The following JPH4 variants were observed in gnomAD, a reference collection of about 807,000 sequenced individuals.
The protein encoded by JPH4 is junctophilin 4, also known as junctophilin-4.
In JPH4, 18 loss-of-function variants were observed where a neutral mutation model predicts 57.6. The observed-to-expected ratio is 0.31, with a 90% CI of 0.22 to 0.46. JPH4 has a LOEUF of 0.46. JPH4 is among the 20% of genes least tolerant of loss of function. The probability of loss-of-function intolerance (pLI) is 1.00; values close to 1 mark genes in which losing one functional copy is unlikely to be tolerated. For synonymous variants in JPH4, 425 were observed against 406.6 expected (o/e 1.05, Z -0.54); for missense variants, 727 against 911.1 (o/e 0.80, Z 2.60).
rs1566679891 is a variant in JPH4, at chr14:23,575,614, C to T, written c.1151+71G>A. ...TTGGGCCTTGGGCCTCCCTTAGGCA[C>T]ACCCGCCTTCCTGGTCCCCAGCGCA... On this transcript the variant is annotated intron_variant, in intron 3 of 5. Coordinates refer to ENST00000356300, the MANE Select transcript of JPH4 (RefSeq NM_001146028.2). The surrounding 1 kb of genome is among the most constrained non-coding windows in gnomAD (Gnocchi z 6.9). 6.5e-7 allele frequency: 1 copy of T among 1,539,820 alleles called. No individual in the cohort carries two copies. Among genetic ancestry groups the T allele is most frequent in the Non-Finnish European group, 8.7e-7 (1 of 1,145,540 alleles).
Position 23,577,418 on chromosome 14 carries a change from C to T in JPH4, c.36G>A (p.Gly12=). 1 of 1,448,534 alleles carries T rather than the reference C, an allele frequency of 6.9e-7. No homozygotes were observed. Among genetic ancestry groups the T allele is most frequent in the East Asian group, 2.7e-5 (1 of 36,798 alleles). The allele number at this position is 1,448,534 out of a possible 1,614,324, so 89.7% of individuals were successfully genotyped here. The change falls in exon 2 of 6, where the codon GGG becomes GGA. Residue 12 remains glycine, a synonymous_variant. Coordinates refer to ENST00000356300, the MANE Select transcript of JPH4 (RefSeq NM_001146028.2). The surrounding 1 kb of genome is among the most constrained non-coding windows in gnomAD (Gnocchi z 8.4). The part of the protein sequence containing the change: ...SPGGKFDFDD[G]GCYVGGWEAG... ...CCTCCCAGCCCCCCACGTAGCAGCC[C>T]CCGTCGTCAAAGTCGAACTTGCCCC...
intron 3 of JPH4, chr14:23,572,714 G>T (rs1466898802): frequency 1.7e-6 from 1 of 594,980 alleles, no homozygotes; most frequent in Non-Finnish European, 3.0e-6. Context: ...ATGAGAGTGG[G>T]TCTCCCCTTT....
In JPH4 at chr14:23,576,165, A is replaced by C. The variant is rs1889267956; in HGVS notation, c.671T>G (p.Leu224Arg). Residue 224 changes from leucine (L) to arginine (R), a missense_variant, in exon 3 of 6, where the codon CTG becomes CGG. This residue lies in a region of JPH4 where 131 missense variants were observed against 156.5 expected (regional missense o/e 0.84). Transcript: ENST00000356300. The surrounding 1 kb of genome is among the most constrained non-coding windows in gnomAD (Gnocchi z 8.0). ...AAGGFFRRSLLLSGLRAGGRR... is the reference protein window; with the variant it reads ...AAGGFFRRSLRLSGLRAGGRR... ...TCCGCCCGCTCGGAGCCCGCTGAGC[A>C]GCAGCGAACGGCGAAAGAATCCGCC... is the stretch of plus-strand genomic sequence containing the variant. 1 of 1,302,776 alleles carries C rather than the reference A, an allele frequency of 7.7e-7. No individual in the cohort carries two copies. The highest frequency in any genetic ancestry group is 9.8e-7 in the Non-Finnish European group (1 of 1,025,032). The allele number at this position is 1,302,776 out of a possible 1,614,324, so 80.7% of individuals were successfully genotyped here.
rs61739610 is a variant in JPH4, at chr14:23,571,219, T to G, written c.1512A>C (p.Ala504=). ...AWPEEWGGAG[A]QAEELAGYEA... ...CATAGCCAGCTAGTTCCTCTGCCTG[T>G]GCGCCTGCCCCCCCCCACTCCTCAG... is the stretch of plus-strand genomic sequence containing the variant. Residue 504 remains alanine (A), a synonymous_variant, in exon 5 of 6, where the codon GCA becomes GCC. Transcript: ENST00000356300. The surrounding 1 kb of genome is among the most constrained non-coding windows in gnomAD (Gnocchi z 4.6). 3.2e-5 allele frequency: 52 copies of G among 1,612,968 alleles called. No homozygotes were observed. In the East Asian group the frequency reaches 1.2e-3, roughly 36 times the overall value.
rs1451396864 is a variant in JPH4 at position 23,577,150 on chromosome 14, A to C, written c.304T>G (p.Ser102Ala). The C allele has an allele frequency of 6.5e-7, 1 of 1,540,848 alleles. No homozygotes were observed. Among genetic ancestry groups the C allele is most frequent in the Non-Finnish European group, 8.7e-7 (1 of 1,150,468 alleles). The change falls in exon 2 of 6, where the codon TCC (serine) becomes GCC (alanine). Residue 102 changes from serine (S) to alanine (A), a missense_variant. Coordinates refer to ENST00000356300, the MANE Select transcript of JPH4 (RefSeq NM_001146028.2). The surrounding 1 kb of genome is among the most constrained non-coding windows in gnomAD (Gnocchi z 8.4). Reference protein sequence around the residue: ...KGRSGVWESVSGLRYAGLWKD... With the variant: ...KGRSGVWESVAGLRYAGLWKD... ...CAGAGCCCGGCGTAGCGCAGGCCGG[A>C]CACGCTTTCCCACACGCCGCTGCGC...
At chr14:23,574,870 T>A in intron 3 of JPH4, 1 of 211,178 alleles carries the variant, frequency 4.7e-6, no homozygotes, top group East Asian at 9.4e-5. Context: ...CCCAGGCTGG[T>A]CTTGATGGGC....
chr14:23,577,067 C>T lies in JPH4; in HGVS notation c.379+8G>A, dbSNP rs149073594. 2.4e-3 allele frequency: 3,638 copies of T among 1,516,120 alleles called. 8 individuals carry two copies. The highest frequency in any genetic ancestry group is 2.9e-3 in the Non-Finnish European group (3,300 of 1,133,652). 93.9% of individuals were successfully genotyped at this position (1,516,120 alleles called of 1,614,324 possible). A position where few individuals can be genotyped will look rare whatever the true frequency, so the allele number is the denominator to read the frequency against. ...AGCAGACAGACACTGGTGGGCCGGG[C>T]CCCGCACCTCCGTCGGAGTAGGTCT... On this transcript the variant is annotated splice_region_variant and intron_variant, in intron 2 of 5. Coordinates refer to ENST00000356300, the MANE Select transcript of JPH4 (RefSeq NM_001146028.2). The surrounding 1 kb of genome is among the most constrained non-coding windows in gnomAD (Gnocchi z 8.4).
chr14:23,577,522 G>T lies in JPH4; in HGVS notation c.-69C>A. ...TCCTGGGACTGGAGAGCCTGCTGGG[G>T]GCCTTGGAGCCGGGCGAGGCCTCGG... On this transcript the variant is annotated 5_prime_UTR_variant, in exon 2 of 6. Transcript: ENST00000356300. This position sits in a 1 kb window ranked among gnomAD's most constrained non-coding sequence, Gnocchi z 8.4. The T allele has an allele frequency of 1.5e-6, 2 of 1,317,734 alleles. No homozygotes were observed. Among genetic ancestry groups the T allele is most frequent in the Non-Finnish European group, 9.7e-7 (1 of 1,026,018 alleles). 81.6% of individuals were successfully genotyped at this position (1,317,734 alleles called of 1,614,324 possible). A position where few individuals can be genotyped will look rare whatever the true frequency, so the allele number is the denominator to read the frequency against.
Position 23,576,947 on chromosome 14 carries a change from A to C in JPH4, c.379+128T>G. On this transcript the variant is annotated intron_variant, in intron 2 of 5. Coordinates refer to ENST00000356300, the MANE Select transcript of JPH4 (RefSeq NM_001146028.2). The surrounding 1 kb of genome is among the most constrained non-coding windows in gnomAD (Gnocchi z 8.0). ...GAGCAGAAATTGGGGGCTGGGGGTCACATCGATGGGGAATGGTGGCGGGGG... is the reference window on the plus strand; with the variant it reads ...GAGCAGAAATTGGGGGCTGGGGGTCCCATCGATGGGGAATGGTGGCGGGGG... 9.7e-5 allele frequency: 99 copies of C among 1,020,094 alleles called. No individual in the cohort carries two copies. Among genetic ancestry groups the C allele is most frequent in the Non-Finnish European group, 1.2e-4 (92 of 738,814 alleles). The allele number at this position is 1,020,094 out of a possible 1,614,324, so 63.2% of individuals were successfully genotyped here.
rs1283541356 is a variant in JPH4 at position 23,571,010 on chromosome 14, C to T, written c.1721G>A (p.Gly574Asp). 9 of 1,566,394 alleles carry T rather than the reference C, an allele frequency of 5.7e-6. No homozygotes were observed. Among genetic ancestry groups the T allele is most frequent in the Non-Finnish European group, 7.8e-6 (9 of 1,154,808 alleles). Residue 574 changes from glycine to aspartate, a missense_variant, in exon 5 of 6, where the codon GGC (glycine) becomes GAC (aspartate). Gly to Asp is a moderately conservative substitution (Grantham distance 94, BLOSUM62 -1). This residue lies in a region of JPH4 where 293 missense variants were observed against 279.8 expected (regional missense o/e 1.05). Coordinates refer to ENST00000356300, the MANE Select transcript of JPH4 (RefSeq NM_001146028.2). The surrounding 1 kb of genome is among the most constrained non-coding windows in gnomAD (Gnocchi z 4.6). Reference sequence around the variant, plus strand: ...AGCATCAGGACCCCTCGAGGACGAGCCCCTCAGGACCAGCATGGCGATGGG... The same window carrying T: ...AGCATCAGGACCCCTCGAGGACGAGTCCCTCAGGACCAGCATGGCGATGGG... ...PEPIAMLVLR[G>D]SSSRGPDAGC...
At chr14:23,570,510 T>C (rs1889099101) in intron 5 of JPH4, among the ~76,000 whole-genome samples, 1 of 151,892 alleles carries the variant, frequency 6.6e-6, no homozygotes, top group South Asian at 2.1e-4. Flanking sequence ...TAGCTGGGAC[T>C]ACAGGCGCCC....
rs1889305823 is a variant in JPH4 at position 23,577,551 on chromosome 14, G to C, written c.-98C>G. ...TTGGAGCCGGGCGAGGCCTCGGGGCGGGGGCAGTTAGACCGGGGCCGGGCG... is the reference window on the plus strand; with the variant it reads ...TTGGAGCCGGGCGAGGCCTCGGGGCCGGGGCAGTTAGACCGGGGCCGGGCG... On this transcript the variant is annotated 5_prime_UTR_variant, in exon 2 of 6. Transcript: ENST00000356300. The surrounding 1 kb of genome is among the most constrained non-coding windows in gnomAD (Gnocchi z 8.4). The C allele has an allele frequency of 1.3e-5, 14 of 1,107,684 alleles. No homozygotes were observed. The highest frequency in any genetic ancestry group is 1.7e-5 in the Non-Finnish European group (14 of 840,368). 68.6% of individuals were successfully genotyped at this position (1,107,684 alleles called of 1,614,324 possible). A position where few individuals can be genotyped will look rare whatever the true frequency, so the allele number is the denominator to read the frequency against.
chr14:23,576,969 G>T lies in JPH4; in HGVS notation c.379+106C>A. 2 of 1,304,480 alleles carry T rather than the reference G, an allele frequency of 1.5e-6. No individual in the cohort carries two copies. Among genetic ancestry groups the T allele is most frequent in the Non-Finnish European group, 2.0e-6 (2 of 994,132 alleles). 80.8% of individuals were successfully genotyped at this position (1,304,480 alleles called of 1,614,324 possible). ...GTCACATCGATGGGGAATGGTGGCGGGGGAAAGAAGGATGGGCGCAAGGGC... is the reference window on the plus strand; with the variant it reads ...GTCACATCGATGGGGAATGGTGGCGTGGGAAAGAAGGATGGGCGCAAGGGC... On this transcript the variant is annotated intron_variant, in intron 2 of 5. Coordinates refer to ENST00000356300, the MANE Select transcript of JPH4 (RefSeq NM_001146028.2). This position sits in a 1 kb window ranked among gnomAD's most constrained non-coding sequence, Gnocchi z 8.0.
Position 23,569,758 on chromosome 14 carries a change from C to G in JPH4, c.1804-41G>C, listed in dbSNP as rs1889046863. 3.7e-6 allele frequency: 5 copies of G among 1,363,666 alleles called. No individual in the cohort carries two copies. The East Asian group carries it at 1.3e-4, about 34-fold the overall frequency. 84.5% of individuals were successfully genotyped at this position (1,363,666 alleles called of 1,614,324 possible). Reference sequence around the variant, plus strand: ...GGGAAGCAGACTCAGTCCCCGAGGACAGGGCCCACCTTCCTGCCCTGACTG... The same window carrying G: ...GGGAAGCAGACTCAGTCCCCGAGGAGAGGGCCCACCTTCCTGCCCTGACTG... On this transcript the variant is annotated intron_variant, in intron 5 of 5. Transcript: ENST00000356300. The surrounding 1 kb of genome is among the most constrained non-coding windows in gnomAD (Gnocchi z 4.8).
rs1888932922 is a variant in JPH4 at position 23,568,782 on chromosome 14, T to C, written c.*852A>G. 2 of 985,636 alleles carry C rather than the reference T, an allele frequency of 2.0e-6. No homozygotes were observed. The highest frequency in any genetic ancestry group is 2.4e-6 in the Non-Finnish European group (2 of 829,990). The allele number at this position is 985,636 out of a possible 1,614,324, so 61.1% of individuals were successfully genotyped here. On this transcript the variant is annotated 3_prime_UTR_variant, in exon 6 of 6. Transcript: ENST00000356300. ...AATTTAATCAAAGGCCACAAGTGAG[T>C]CCAGACCAACCAAATAAACTATTAT...
At chr14:23,574,081 A>T (rs1011895722) in intron 3 of JPH4, among the ~76,000 whole-genome samples, 2 of 152,130 alleles carry the variant, frequency 1.3e-5, no homozygotes, top group African/African-American at 4.8e-5. Flanking sequence ...CCACCCCTTT[A>T]AAAGAAAATT....
rs1259329261 is a variant in JPH4 at position 23,576,285 on chromosome 14, C to T, written c.551G>A (p.Gly184Glu). 7.9e-7 allele frequency: 1 copy of T among 1,265,752 alleles called. No homozygotes were observed. Among genetic ancestry groups the T allele is most frequent in the Non-Finnish European group, 9.9e-7 (1 of 1,007,274 alleles). The allele number at this position is 1,265,752 out of a possible 1,614,324, so 78.4% of individuals were successfully genotyped here. The change falls in exon 3 of 6, where the codon GGA (glycine) becomes GAA (glutamate). Residue 184 changes from glycine (G) to glutamate (E), a missense_variant. Coordinates refer to ENST00000356300, the MANE Select transcript of JPH4 (RefSeq NM_001146028.2). This position sits in a 1 kb window ranked among gnomAD's most constrained non-coding sequence, Gnocchi z 8.0. ...CCGGGAGCCCGAGGCGGGGCTGCCT[C>T]CCTCGTCGCCCGGCAAGGGCAGGGG... ...PPPLPLPGDE[G>E]GSPASGSRGG...
At position 23,571,114 on chromosome 14, in the gene JPH4, T is replaced by G. The variant is rs1377821028; in HGVS notation, c.1617A>C (p.Ser539=). ...SPLLGGCSDS[S]GSLREEEGED... Reference sequence around the variant, plus strand: ...CCCCCTCCTCCTCTCGAAGACTTCCTGAACTGTCGCTGCAGCCTCCGAGGA... The same window carrying G: ...CCCCCTCCTCCTCTCGAAGACTTCCGGAACTGTCGCTGCAGCCTCCGAGGA... The change falls in exon 5 of 6, where the codon TCA becomes TCC. Residue 539 remains serine, a synonymous_variant. Coordinates refer to ENST00000356300, the MANE Select transcript of JPH4 (RefSeq NM_001146028.2). This position sits in a 1 kb window ranked among gnomAD's most constrained non-coding sequence, Gnocchi z 4.6. The G allele has an allele frequency of 1.2e-6, 2 of 1,613,978 alleles. No homozygotes were observed. Among genetic ancestry groups the G allele is most frequent in the African/African-American group, 2.7e-5 (2 of 74,914 alleles).
chr14:23,569,480 A>C lies in JPH4; in HGVS notation c.*154T>G. 3.0e-6 allele frequency: 2 copies of C among 660,838 alleles called. No homozygotes were observed. The allele number at this position is 660,838 out of a possible 1,614,324, so 40.9% of individuals were successfully genotyped here. A position where few individuals can be genotyped will look rare whatever the true frequency, so the allele number is the denominator to read the frequency against. On this transcript the variant is annotated 3_prime_UTR_variant, in exon 6 of 6. Transcript: ENST00000356300. This position sits in a 1 kb window ranked among gnomAD's most constrained non-coding sequence, Gnocchi z 4.8. ...TCTGAAAGAAGACAGGGAAAGAAAAAGCGAGAGAAAAAAACAAAGGAGCAC... is the reference window on the plus strand; with the variant it reads ...TCTGAAAGAAGACAGGGAAAGAAAACGCGAGAGAAAAAAACAAAGGAGCAC...
Sources: allele counts gnomAD v4.1 joint callset (sites outside exome capture counted in the v4.1 genomes callset), GRCh38; gene constraint gnomAD v4.1.1; regional missense constraint gnomAD v4.1.1; non-coding constraint Gnocchi (gnomAD v3.1); transcripts MANE v1.5; gene names NCBI Gene and HGNC (gene_info 2026-07-23, HGNC 2026-07-21).